MPHOSPH10: variants seen among roughly 807,000 people sequenced by gnomAD.
MPHOSPH10 encodes U3 small nucleolar ribonucleoprotein MPP10.
Under a neutral mutation model 77.3 loss-of-function variants are expected in MPHOSPH10, and 33 were observed. That is an observed-to-expected ratio of 0.43 (90% CI 0.32 to 0.57). MPHOSPH10 has a LOEUF of 0.57. MPHOSPH10 is among the 20% of genes least tolerant of loss of function. The pLI is 0.07. For synonymous variants in MPHOSPH10, 245 were observed against 268.0 expected (o/e 0.91, Z 0.84); for missense variants, 708 against 780.1 (o/e 0.91, Z 1.10).
At chr2:71,131,578 C>T (rs920063119) in intron 1 of MPHOSPH10, among the ~76,000 whole-genome samples, 8 of 152,154 alleles carry the variant, frequency 5.3e-5, no homozygotes, top group Admixed American at 2.0e-4. Flanking sequence ...CACTTGGGTG[C>T]AAGTGGGCTG....
At position 71,145,223 on chromosome 2, in the gene MPHOSPH10, T is replaced by C. The variant is rs1328283830; in HGVS notation, c.1557+685T>C. ...CTTCTGTGAACCCATAAAACATGCT[T>C]GTACCATCCTTTGGTACTTGTTCAC... is the stretch of plus-strand genomic sequence containing the variant. On this transcript the variant is annotated intron_variant, in intron 8 of 10. Transcript: ENST00000244230. Among the ~76,000 whole-genome samples the C allele has an allele frequency of 2.0e-5, 3 of 152,206 alleles. No homozygotes were observed. The East Asian group carries it at 5.8e-4, about 29-fold the overall frequency.
chr2:71,147,893 A>C, intron 8 of MPHOSPH10, 106 bp from the exon 9 acceptor site: 1 of 809,832 alleles, frequency 1.2e-6, no homozygotes, highest in South Asian at 1.8e-5. Flanking sequence ...GATAATCTCC[A>C]TAAAGTATTT....
chr2:71,144,526 T>G lies in MPHOSPH10; in HGVS notation c.1545T>G (p.Phe515Leu). Residue 515 changes from phenylalanine (F) to leucine (L), a missense_variant, in exon 8 of 11, where the codon TTT becomes TTG. Phe to Leu is a conservative substitution (Grantham distance 22). This residue lies in a region of MPHOSPH10 where 263 missense variants were observed against 320.0 expected (regional missense o/e 0.82). Coordinates refer to ENST00000244230, the MANE Select transcript of MPHOSPH10 (RefSeq NM_005791.3). ...LKLDALSNFH[F>L]IPKPPVPEIK... ...TGGATGCCCTCTCAAACTTCCACTT[T>G]ATCCCTAAACCGGTAAGTGTGTTAA... 1 of 1,612,480 alleles carries G rather than the reference T, an allele frequency of 6.2e-7. No individual in the cohort carries two copies. Among genetic ancestry groups the G allele is most frequent in the Non-Finnish European group, 8.5e-7 (1 of 1,178,492 alleles).
chr2:71,132,502 G>A (rs567438710), intron 1 of MPHOSPH10, among the ~76,000 whole-genome samples: 1 of 152,244 alleles, frequency 6.6e-6, no homozygotes, highest in East Asian at 1.9e-4. Context: ...TTATCTGTAG[G>A]TTTCCTCTCA....
At chr2:71,148,689 C>T (rs1673762019) in intron 9 of MPHOSPH10, 1 of 162,022 alleles carries the variant, frequency 6.2e-6, no homozygotes. Context: ...TACACTCACC[C>T]CTTCTGTCTG....
intron 4 of MPHOSPH10, among the ~76,000 whole-genome samples, chr2:71,136,624 T>G (rs1290355707): frequency 6.6e-6 from 1 of 152,012 alleles, no homozygotes; most frequent in African/African-American, 2.4e-5. Context: ...GTTGTCAGAT[T>G]GTCCCCAGAA....
Position 71,148,036 on chromosome 2 carries a change from C to G in MPHOSPH10, c.1595C>G (p.Ala532Gly). Residue 532 changes from alanine (A) to glycine (G), a missense_variant, in exon 9 of 11, where the codon GCC (alanine) becomes GGC (glycine). Transcript: ENST00000244230. ...PEIKVVSNLP[A>G]ITMEEVAPVS... Reference sequence around the variant, plus strand: ...ATTAAAGTTGTGTCAAATCTGCCAGCCATAACCATGGAGGAAGTAGCCCCA... The same window carrying G: ...ATTAAAGTTGTGTCAAATCTGCCAGGCATAACCATGGAGGAAGTAGCCCCA... 6.2e-7 allele frequency: 1 copy of G among 1,614,210 alleles called. No homozygotes were observed. The highest frequency in any genetic ancestry group is 8.5e-7 in the Non-Finnish European group (1 of 1,180,024).
rs1572902741 is a variant in MPHOSPH10 at position 71,149,956 on chromosome 2, A to G, written c.1987A>G (p.Lys663Glu). The change falls in exon 11 of 11, where the codon AAA (lysine) becomes GAA (glutamate). Residue 663 changes from lysine to glutamate, a missense_variant. By Grantham distance (56) the Lys-to-Glu change is moderately conservative. Around this residue, in one of 3 missense-constraint regions of MPHOSPH10, gnomAD observed 263 missense variants for 320.0 expected, o/e 0.82. Coordinates refer to ENST00000244230, the MANE Select transcript of MPHOSPH10 (RefSeq NM_005791.3). ...QVKMQINDAK[K>E]TEKKKKKRQD... is the part of the protein sequence containing the mutation. The stretch of plus-strand genomic sequence containing the variant: ...AAAAATGCAAATCAATGATGCAAAG[A>G]AAACAGAAAAGAAAAAGAAGAAAAG... 6.5e-7 allele frequency: 1 copy of G among 1,528,634 alleles called. No homozygotes were observed. Among genetic ancestry groups the G allele is most frequent in the Non-Finnish European group, 8.9e-7 (1 of 1,126,178 alleles). The allele number at this position is 1,528,634 out of a possible 1,614,324, so 94.7% of individuals were successfully genotyped here. A position where few individuals can be genotyped will look rare whatever the true frequency, so the allele number is the denominator to read the frequency against.
chr2:71,131,177 T>C (rs1424355842), intron 1 of MPHOSPH10, among the ~76,000 whole-genome samples: 3 of 152,240 alleles, frequency 2.0e-5, no homozygotes, highest in Non-Finnish European at 4.4e-5. Flanking sequence ...TCCATGTCTC[T>C]TCCCAACACA....
intron 7 of MPHOSPH10, 139 bp from the exon 8 acceptor site, chr2:71,144,289 A>T: frequency 1.5e-6 from 1 of 648,164 alleles, no homozygotes; most frequent in Non-Finnish European, 2.6e-6. Context: ...TGCTGCTTTT[A>T]ATTTTGCTTT....
Position 71,133,238 on chromosome 2 carries a change from G to C in MPHOSPH10, c.430G>C (p.Asp144His), listed in dbSNP as rs1203877174. 6.2e-7 allele frequency: 1 copy of C among 1,614,164 alleles called. No individual in the cohort carries two copies. The highest frequency in any genetic ancestry group is 1.1e-5 in the South Asian group (1 of 91,080). Residue 144 changes from aspartate to histidine, a missense_variant, in exon 2 of 11, where the codon GAT becomes CAT. Around this residue, in one of 3 missense-constraint regions of MPHOSPH10, gnomAD observed 433 missense variants for 432.6 expected, o/e 1.00. Transcript: ENST00000244230. ...GGAGGAAGTGTCCGACATGGGTAAT[G>C]ATGATCCTGAAATGGGTGAGAGAGC... The part of the protein sequence containing the change: ...EEEEVSDMGN[D>H]DPEMGERAEN...
chr2:71,146,074 A>G (rs72905539), intron 8 of MPHOSPH10, among the ~76,000 whole-genome samples: 6,181 of 152,306 alleles, frequency 0.041, 376 homozygotes, highest in African/African-American at 0.13. Context: ...AAATGCATCT[A>G]CTGTTCCACT....
Position 71,150,069 on chromosome 2 carries a change from T to G in MPHOSPH10, c.*54T>G. 1.0e-6 allele frequency: 1 copy of G among 971,994 alleles called. No homozygotes were observed. Among genetic ancestry groups the G allele is most frequent in the Non-Finnish European group, 1.4e-6 (1 of 703,566 alleles). The allele number at this position is 971,994 out of a possible 1,614,324, so 60.2% of individuals were successfully genotyped here. A position where few individuals can be genotyped will look rare whatever the true frequency, so the allele number is the denominator to read the frequency against. ...TGTGTAAGCTTATATTGTGTCATTG[T>G]TCTGTTTTATAATAAAATTCTTGAG... On this transcript the variant is annotated 3_prime_UTR_variant, in exon 11 of 11. Transcript: ENST00000244230.
chr2:71,146,706 G>T (rs1169939426), intron 8 of MPHOSPH10, among the ~76,000 whole-genome samples: 1 of 152,084 alleles, frequency 6.6e-6, no homozygotes, highest in African/African-American at 2.4e-5. Context: ...GGAACACAGT[G>T]TTTTTAATAA....
At position 71,141,800 on chromosome 2, in the gene MPHOSPH10, C is replaced by T. The variant is rs185170271; in HGVS notation, c.1446+431C>T. Reference sequence around the variant, plus strand: ...ATCCCAGCACTTTGGGAGGCTGAGGCGGGCGGATTGCTTGAGGTCAGGAGT... The same window carrying T: ...ATCCCAGCACTTTGGGAGGCTGAGGTGGGCGGATTGCTTGAGGTCAGGAGT... On this transcript the variant is annotated intron_variant, in intron 7 of 10. Transcript: ENST00000244230. Among the ~76,000 whole-genome samples the T allele has an allele frequency of 2.6e-5, 4 of 152,104 alleles. No individual in the cohort carries two copies. The East Asian group carries it at 7.7e-4, about 29-fold the overall frequency.
At chr2:71,136,257 C>T (rs1673487234) in intron 4 of MPHOSPH10, among the ~76,000 whole-genome samples, 1 of 152,082 alleles carries the variant, frequency 6.6e-6, no homozygotes, top group Non-Finnish European at 1.5e-5. Flanking sequence ...CACAGTGGCT[C>T]ACACCTGCAC....
rs558686585 is a variant in MPHOSPH10 at position 71,140,047 on chromosome 2, C to T, written c.1308+185C>T. Among the ~76,000 whole-genome samples, 7 of 152,236 alleles carry T rather than the reference C, an allele frequency of 4.6e-5. No homozygotes were observed. In the South Asian group the frequency reaches 1.0e-3, roughly 23 times the overall value. ...GCTCTTCAGTAGTATCCAGGAAAGACGAGTATTGTGCCTGAGAGGAGCAAG... is the reference window on the plus strand; with the variant it reads ...GCTCTTCAGTAGTATCCAGGAAAGATGAGTATTGTGCCTGAGAGGAGCAAG... On this transcript the variant is annotated intron_variant, in intron 6 of 10. Transcript: ENST00000244230.
chr2:71,131,306 G>A (rs750265583), intron 1 of MPHOSPH10, among the ~76,000 whole-genome samples: 1 of 152,176 alleles, frequency 6.6e-6, no homozygotes, highest in African/African-American at 2.4e-5. Context: ...TACAGACTGA[G>A]CTTAGTTTGA....
chr2:71,134,131 A>G (rs1191380510), intron 3 of MPHOSPH10, 26 bp downstream of exon 3: 2 of 1,588,244 alleles, frequency 1.3e-6, no homozygotes, highest in East Asian at 2.3e-5. Context: ...CATCCTTTAC[A>G]TTGTAAGCTG....
Sources: gnomAD v4.1 joint callset for allele counts (sites outside exome capture counted in the v4.1 genomes callset) on GRCh38, gnomAD v4.1.1 for gene constraint, gnomAD v4.1.1 regional missense constraint, MANE v1.5 for transcripts, NCBI Gene and HGNC (gene_info 2026-07-23, HGNC 2026-07-21) for gene names.